Variants in CDH23 observed in about 807,000 individuals in gnomAD.
CDH23 encodes cadherin related 23, also known as cadherin-23.
Under a neutral mutation model 317.1 loss-of-function variants are expected in CDH23, and 189 were observed. The observed-to-expected ratio is 0.60, with a 90% CI of 0.53 to 0.67. The LOEUF (loss-of-function observed/expected upper bound fraction) is 0.67. Ranked by LOEUF, CDH23 falls within the 30% of genes least tolerant of loss-of-function variation. The probability of loss-of-function intolerance (pLI) is 0.00; values close to 1 mark genes in which losing one functional copy is unlikely to be tolerated. For missense variants in CDH23, 4,401 were observed against 4,592.4 expected (o/e 0.96, Z 1.20); for synonymous variants, 1,839 against 1,876.8 (o/e 0.98, Z 0.52).
chr10:71,714,819 T>C (rs1243512186), intron 28 of CDH23: 1 of 152,216 alleles, frequency 6.6e-6, no homozygotes, highest in Non-Finnish European at 1.5e-5. Context: ...GGTGGGATCC[T>C]GGCCAGCTGA....
chr10:71,665,272 A>G (rs1180767155), intron 14 of CDH23, among the ~76,000 whole-genome samples: 1 of 151,878 alleles, frequency 6.6e-6, no homozygotes, highest in Non-Finnish European at 1.5e-5. Flanking sequence ...TTCCAAACAT[A>G]CCTGGAGTCC....
intron 34 of CDH23, chr10:71,737,731 T>C (rs967559220): frequency 1.5e-5 from 7 of 470,810 alleles, no homozygotes; most frequent in Non-Finnish European, 3.1e-5. Context: ...TGGGTACCTG[T>C]GATTCCAGCC....
chr10:71,786,589 C>A (rs897106256), intron 44 of CDH23, among the ~76,000 whole-genome samples: 3 of 151,398 alleles, frequency 2.0e-5, no homozygotes, highest in Non-Finnish European at 2.9e-5. Context: ...CCTCCACCTC[C>A]CAGGTTCAAG....
chr10:71,725,251 G>GT, intron 29 of CDH23, 121 bp from the exon 30 acceptor site: 1 of 1,510,290 alleles, frequency 6.6e-7, no homozygotes, highest in Non-Finnish European at 9.2e-7. Flanking sequence ...TGTCCCAGAA[G>GT]ACCCGCAGCC....
chr10:71,631,725 G>A (rs1321351453), intron 11 of CDH23, among the ~76,000 whole-genome samples: 1 of 152,060 alleles, frequency 6.6e-6, no homozygotes, highest in Non-Finnish European at 1.5e-5. Flanking sequence ...CACACCAGGG[G>A]GCCACCCTTC....
At position 71,607,175 on chromosome 10, in the gene CDH23, C is replaced by T. The variant is rs567995512; in HGVS notation, c.833-8329C>T. ...CTATACCAGTCAGAATGATATGGCT[C>T]CGCTGGACAGCGATGGGCCTGCAAG... On this transcript the variant is annotated intron_variant, in intron 9 of 69. Transcript: ENST00000224721. Among the ~76,000 whole-genome samples, 5 of 152,340 alleles carry T rather than the reference C, an allele frequency of 3.3e-5. No individual in the cohort carries two copies. In the East Asian group the frequency reaches 9.6e-4, roughly 29 times the overall value.
At chr10:71,707,200 C>A in intron 26 of CDH23, 151 bp downstream of exon 26, 1 of 1,506,648 alleles carries the variant, frequency 6.6e-7, no homozygotes, top group South Asian at 1.3e-5. Flanking sequence ...TGGTGCCTCC[C>A]GAGGATTTGC....
chr10:71,606,638 G>T (rs933567574), intron 9 of CDH23, among the ~76,000 whole-genome samples: 1 of 152,206 alleles, frequency 6.6e-6, no homozygotes, highest in Non-Finnish European at 1.5e-5. Context: ...CATTCCAGTA[G>T]GGAGAAACAG....
At chr10:71,620,504 A>G (rs1430175601) in intron 11 of CDH23, among the ~76,000 whole-genome samples, 1 of 152,072 alleles carries the variant, frequency 6.6e-6, no homozygotes, top group Non-Finnish European at 1.5e-5. Flanking sequence ...TGCTAGAAGC[A>G]CTTTCTGAAA....
At chr10:71,783,405 G>T (rs887544480) in intron 41 of CDH23, among the ~76,000 whole-genome samples, 1 of 152,258 alleles carries the variant, frequency 6.6e-6, no homozygotes, top group Non-Finnish European at 1.5e-5. Context: ...AATGGGTTAA[G>T]ACCCAGAGTG....
intron 9 of CDH23, among the ~76,000 whole-genome samples, chr10:71,608,812 G>T (rs1419123777): frequency 3.3e-5 from 5 of 152,216 alleles, no homozygotes; most frequent in African/African-American, 4.8e-5. Flanking sequence ...ATGCGGGTGG[G>T]CTTCCTATAG....
intron 11 of CDH23, among the ~76,000 whole-genome samples, chr10:71,620,572 C>A (rs970986509): frequency 6.6e-6 from 1 of 152,222 alleles, no homozygotes; most frequent in Non-Finnish European, 1.5e-5. Context: ...GACCGCCCCC[C>A]ACCCAGGCTC....
chr10:71,541,206 G>C (rs774616407), intron 6 of CDH23, among the ~76,000 whole-genome samples: 2 of 152,120 alleles, frequency 1.3e-5, no homozygotes, highest in Admixed American at 1.3e-4. Flanking sequence ...ATTCCCAGCC[G>C]CTGGCCGCCT....
chr10:71,624,902 G>T (rs1298464810), intron 11 of CDH23, among the ~76,000 whole-genome samples: 1 of 151,968 alleles, frequency 6.6e-6, no homozygotes, highest in Non-Finnish European at 1.5e-5. Flanking sequence ...TGTGTTGCAG[G>T]GCTCCCCATT....
At chr10:71,613,815 T>G (rs1861037606) in intron 9 of CDH23, among the ~76,000 whole-genome samples, 1 of 152,206 alleles carries the variant, frequency 6.6e-6, no homozygotes, top group South Asian at 2.1e-4. Flanking sequence ...TGTTGAAGGC[T>G]TGGGTATTAA....
chr10:71,494,420 T>C (rs1852839869), intron 3 of CDH23, among the ~76,000 whole-genome samples: 1 of 152,180 alleles, frequency 6.6e-6, no homozygotes, highest in South Asian at 2.1e-4. Context: ...GAACATTGTA[T>C]ATGGGGTCAG....
At chr10:71,476,401 G>A (rs187801733) in intron 3 of CDH23, among the ~76,000 whole-genome samples, 13 of 152,262 alleles carry the variant, frequency 8.5e-5, no homozygotes, top group East Asian at 1.9e-4. Context: ...CCCAGGGCCC[G>A]GAGAAGGGAA....
At chr10:71,532,775 G>T (rs1293080773) in intron 6 of CDH23, among the ~76,000 whole-genome samples, 1 of 144,256 alleles carries the variant, frequency 6.9e-6, no homozygotes, top group Non-Finnish European at 1.5e-5. Context: ...TGTCATCCAG[G>T]CTGGAGTGCA....
chr10:71,437,303 C>T (rs1157317844), intron 1 of CDH23, among the ~76,000 whole-genome samples: 1 of 152,168 alleles, frequency 6.6e-6, no homozygotes, highest in African/African-American at 2.4e-5. Context: ...AGCCAAATCC[C>T]AACACAATTA....
Sources: gnomAD v4.1 joint callset for allele counts (sites outside exome capture counted in the v4.1 genomes callset) on GRCh38, gnomAD v4.1.1 for gene constraint, MANE v1.5 for transcripts, NCBI Gene and HGNC (gene_info 2026-07-23, HGNC 2026-07-21) for gene names.